RAP1GAP2: variants seen among roughly 807,000 people sequenced by gnomAD.
RAP1GAP2 encodes rap1 GTPase-activating protein 2.
A neutral mutation model predicts 95.0 loss-of-function variants in RAP1GAP2; 27 were observed. The observed-to-expected ratio is 0.28, with a 90% CI of 0.21 to 0.39. The LOEUF (loss-of-function observed/expected upper bound fraction) is 0.39. Ranked by LOEUF, RAP1GAP2 falls within the 10% of genes least tolerant of loss-of-function variation. The pLI, the probability that RAP1GAP2 is intolerant of heterozygous loss-of-function variation, is 1.00. For synonymous variants in RAP1GAP2, 373 were observed against 380.9 expected, an observed-to-expected ratio of 0.98 and a Z score of 0.24; for missense variants, 771 against 970.0, an observed-to-expected ratio of 0.79 and a Z score of 2.72.
At chr17:2,995,158 G>T (rs149454123) in intron 12 of RAP1GAP2, among the ~76,000 whole-genome samples, 179 bp from the exon 13 acceptor site, 1 of 152,270 alleles carries the variant, frequency 6.6e-6, no homozygotes, top group East Asian at 1.9e-4. Context: ...TGCCAGCGCT[G>T]ATATACCTGG....
intron 2 of RAP1GAP2, among the ~76,000 whole-genome samples, chr17:2,821,658 G>A (rs546722499): frequency 6.6e-6 from 1 of 152,168 alleles, no homozygotes; most frequent in African/African-American, 2.4e-5. Flanking sequence ...ACAGGTGTGA[G>A]CCACCTTGCC....
rs1261412788 is a variant in RAP1GAP2 at position 2,797,113 on chromosome 17, G to T, written c.44+542G>T. On this transcript the variant is annotated intron_variant, in intron 1 of 24. Coordinates refer to ENST00000254695, the MANE Select transcript of RAP1GAP2 (RefSeq NM_015085.5). The surrounding 1 kb of genome is among the most constrained non-coding windows in gnomAD (Gnocchi z 5.6). ...CTGTCTGTGCTGTTGTTGTGGCCTT[G>T]TGGCAGGGGAGTCTGTACCTGCTGG... is the stretch of plus-strand genomic sequence containing the variant. 6.6e-6 allele frequency among the ~76,000 whole-genome samples: 1 copy of T among 152,058 alleles called. No individual in the cohort carries two copies. The highest frequency in any genetic ancestry group is 1.5e-5 in the Non-Finnish European group (1 of 68,020).
intron 2 of RAP1GAP2, among the ~76,000 whole-genome samples, chr17:2,846,331 T>G (rs1019630331): frequency 1.3e-5 from 2 of 152,188 alleles, no homozygotes; most frequent in African/African-American, 2.4e-5. Context: ...CCCTTTATTA[T>G]TGGGTCGTAT....
chr17:2,947,650 A>G (rs2043751820), intron 3 of RAP1GAP2, among the ~76,000 whole-genome samples: 1 of 152,158 alleles, frequency 6.6e-6, no homozygotes, highest in South Asian at 2.1e-4. Flanking sequence ...TCTGTTCTGC[A>G]GCCAGCCTGG....
intron 3 of RAP1GAP2, among the ~76,000 whole-genome samples, chr17:2,939,532 A>T (rs2043413469): frequency 6.6e-6 from 1 of 152,198 alleles, no homozygotes; most frequent in Non-Finnish European, 1.5e-5. Flanking sequence ...CAGAGAAGGG[A>T]AAATTGAGGC....
In RAP1GAP2 at chr17:3,023,691, G is replaced by A. The variant is rs146539634; in HGVS notation, c.1752-2317G>A. 7.9e-3 allele frequency among the ~76,000 whole-genome samples: 1,205 copies of A among 152,230 alleles called. 9 individuals are homozygous for A. The highest frequency in any genetic ancestry group is 0.014 in the Non-Finnish European group (919 of 68,022). ...CTGGAATATAAGTGCAGAATGTGCA[G>A]GTTTGTTACATAGGTATACATGTGC... On this transcript the variant is annotated intron_variant, in intron 19 of 24. Coordinates refer to ENST00000254695, the MANE Select transcript of RAP1GAP2 (RefSeq NM_015085.5).
rs2069117769 is a variant in RAP1GAP2 at position 2,797,205 on chromosome 17, A to C, written c.44+634A>C. On this transcript the variant is annotated intron_variant, in intron 1 of 24. Coordinates refer to ENST00000254695, the MANE Select transcript of RAP1GAP2 (RefSeq NM_015085.5). The surrounding 1 kb of genome is among the most constrained non-coding windows in gnomAD (Gnocchi z 5.6). ...AAGGTCTCCCACCTGCACCCCAGGC[A>C]GCCCACCCTAGCTCTGTCCTAGCCT... 6.6e-6 allele frequency among the ~76,000 whole-genome samples: 1 copy of C among 152,112 alleles called. No homozygotes were observed. The highest frequency in any genetic ancestry group is 2.1e-4 in the South Asian group (1 of 4,830).
At chr17:2,763,076 G>C (rs568341937) in intron 1 of RAP1GAP2, among the ~76,000 whole-genome samples, 92 of 152,086 alleles carry the variant, frequency 6.0e-4, no homozygotes, top group Non-Finnish European at 2.6e-4. Flanking sequence ...TCAGATACAC[G>C]GCAAGGTGAT....
At chr17:2,836,465 C>G (rs1313920940) in intron 2 of RAP1GAP2, among the ~76,000 whole-genome samples, 1 of 152,006 alleles carries the variant, frequency 6.6e-6, no homozygotes, top group Non-Finnish European at 1.5e-5. Context: ...GACCCCATCT[C>G]TCTTAAAAAC....
intron 2 of RAP1GAP2, among the ~76,000 whole-genome samples, chr17:2,872,059 C>G (rs1322598108): frequency 6.6e-6 from 1 of 151,730 alleles, no homozygotes; most frequent in Non-Finnish European, 1.5e-5. Context: ...ACTAAAAATA[C>G]AAAAATTAGC....
chr17:2,883,669 A>G (rs2073383264), intron 2 of RAP1GAP2, among the ~76,000 whole-genome samples: 1 of 152,098 alleles, frequency 6.6e-6, no homozygotes, highest in South Asian at 2.1e-4. Flanking sequence ...TGCGGCCTAG[A>G]GTGGGGTAAA....
At chr17:2,895,316 C>T (rs1206788179) in intron 2 of RAP1GAP2, among the ~76,000 whole-genome samples, 2 of 152,284 alleles carry the variant, frequency 1.3e-5, no homozygotes, top group East Asian at 3.9e-4. Flanking sequence ...CCCCAGCGGG[C>T]CCCTTCTCCT....
chr17:2,816,577 G>A (rs913467685), intron 2 of RAP1GAP2, among the ~76,000 whole-genome samples: 1 of 151,802 alleles, frequency 6.6e-6, no homozygotes, highest in Non-Finnish European at 1.5e-5. Flanking sequence ...GACCTCAGGT[G>A]ATCCACCCAC....
intron 3 of RAP1GAP2, among the ~76,000 whole-genome samples, chr17:2,910,057 C>T (rs1477480060): frequency 1.3e-5 from 2 of 152,228 alleles, no homozygotes; most frequent in Admixed American, 1.3e-4. Flanking sequence ...CACCAGCCTG[C>T]TCACCACAGG....
intron 4 of RAP1GAP2, chr17:2,962,455 G>C: frequency 1.9e-6 from 1 of 529,810 alleles, no homozygotes; most frequent in Non-Finnish European, 3.3e-6. Flanking sequence ...CGGCGATCTG[G>C]CTCAAGTCTA....
intron 2 of RAP1GAP2, among the ~76,000 whole-genome samples, chr17:2,883,736 C>T (rs1360472984): frequency 6.6e-6 from 1 of 152,220 alleles, no homozygotes; most frequent in Non-Finnish European, 1.5e-5. Flanking sequence ...CAGCCCTGTT[C>T]CTGATGGCCG....
At chr17:2,978,527 A>G (rs1465555746) in intron 8 of RAP1GAP2, among the ~76,000 whole-genome samples, 1 of 152,120 alleles carries the variant, frequency 6.6e-6, no homozygotes, top group African/African-American at 2.4e-5. Context: ...AAAATTGAAA[A>G]CTTATGAATT....
At chr17:2,840,690 C>A (rs2071338626) in intron 2 of RAP1GAP2, among the ~76,000 whole-genome samples, 2 of 152,020 alleles carry the variant, frequency 1.3e-5, no homozygotes, top group South Asian at 2.1e-4. Flanking sequence ...TGATTATATC[C>A]ATTTATGATG....
chr17:2,849,998 G>GTTTTTT lies in RAP1GAP2; in HGVS notation c.80+49448_80+49449insTTTTTT, dbSNP rs1363363543. ...GTGTCACTAACACCTAACACTGCCT[G>GTTTTTT]CTTTTTTTTTTTTTTTTTTTGAGAT... On this transcript the variant is annotated intron_variant, in intron 2 of 24. Coordinates refer to ENST00000254695, the MANE Select transcript of RAP1GAP2 (RefSeq NM_015085.5). Among the ~76,000 whole-genome samples, 20 of 136,128 alleles carry GTTTTTT rather than the reference G, an allele frequency of 1.5e-4. 5 individuals are homozygous for GTTTTTT. Among genetic ancestry groups the GTTTTTT allele is most frequent in the Non-Finnish European group, 1.7e-4 (11 of 63,958 alleles). 89.3% of individuals were successfully genotyped at this position (136,128 alleles called of 152,430 possible).
Sources: allele counts gnomAD v4.1 joint callset (sites outside exome capture counted in the v4.1 genomes callset), GRCh38; gene constraint gnomAD v4.1.1; non-coding constraint Gnocchi (gnomAD v3.1); transcripts MANE v1.5; gene names NCBI Gene and HGNC (gene_info 2026-07-23, HGNC 2026-07-21).